GRID2: variants seen among roughly 807,000 people sequenced by gnomAD.
GRID2 encodes the protein glutamate receptor ionotropic, delta-2.
A neutral mutation model predicts 114.8 loss-of-function variants in GRID2; 33 were observed. The ratio of observed to expected loss-of-function variants is 0.29; its 90% CI spans 0.22 to 0.38. The LOEUF is 0.38. GRID2 is among the 10% of genes least tolerant of loss of function. The pLI, the probability that GRID2 is intolerant of heterozygous loss-of-function variation, is 1.00. For synonymous variants in GRID2, 505 were observed against 449.9 expected, an observed-to-expected ratio of 1.12 and a Z score of -1.55; for missense variants, 1,184 against 1,257.7, an observed-to-expected ratio of 0.94 and a Z score of 0.89.
At chr4:93,755,176 C>T (rs1056289788) in intron 14 of GRID2, among the ~76,000 whole-genome samples, 2 of 152,108 alleles carry the variant, frequency 1.3e-5, no homozygotes, top group African/African-American at 4.8e-5. Context: ...TAGGCTATTC[C>T]TTTTATATCT....
chr4:92,578,867 A>G (rs1456017944), intron 1 of GRID2, among the ~76,000 whole-genome samples: 1 of 152,108 alleles, frequency 6.6e-6, no homozygotes, highest in Non-Finnish European at 1.5e-5. Context: ...TTAGATCACA[A>G]TTTTCAAAAC....
intron 2 of GRID2, among the ~76,000 whole-genome samples, chr4:92,950,229 G>A (rs1185978588): frequency 6.6e-6 from 1 of 152,002 alleles, no homozygotes; most frequent in East Asian, 1.9e-4. Flanking sequence ...AACACCAGGT[G>A]GTCTAATTTT....
intron 2 of GRID2, among the ~76,000 whole-genome samples, chr4:92,690,658 A>G (rs1308137130): frequency 6.6e-6 from 1 of 152,210 alleles, no homozygotes; most frequent in Non-Finnish European, 1.5e-5. Context: ...GTGCAATCAA[A>G]CAAATTATAC....
At chr4:93,192,520 T>C (rs543549186) in intron 4 of GRID2, among the ~76,000 whole-genome samples, 1 of 152,144 alleles carries the variant, frequency 6.6e-6, no homozygotes, top group East Asian at 1.9e-4. Flanking sequence ...GGTGGGCAGA[T>C]TACCTAAGGT....
chr4:92,322,741 G>A (rs545363154), intron 1 of GRID2, among the ~76,000 whole-genome samples: 1 of 151,994 alleles, frequency 6.6e-6, no homozygotes, highest in African/African-American at 2.4e-5. Context: ...CAATAATTCT[G>A]TCTTAGCAGC....
At chr4:92,683,027 C>T (rs757421490) in intron 2 of GRID2, among the ~76,000 whole-genome samples, 15 of 152,012 alleles carry the variant, frequency 9.9e-5, no homozygotes, top group South Asian at 2.1e-4. Flanking sequence ...AGGCTAGGTG[C>T]GGTGGCTCAC....
At chr4:92,712,561 A>G (rs1735308609) in intron 2 of GRID2, among the ~76,000 whole-genome samples, 1 of 152,170 alleles carries the variant, frequency 6.6e-6, no homozygotes, top group African/African-American at 2.4e-5. Context: ...TATATAGTAT[A>G]TAGAATATTA....
intron 14 of GRID2, among the ~76,000 whole-genome samples, chr4:93,683,821 T>C (rs1238481760): frequency 1.3e-5 from 2 of 151,980 alleles, no homozygotes; most frequent in African/African-American, 4.8e-5. Flanking sequence ...CATAGGATTG[T>C]CCCATATTAT....
At chr4:92,793,557 A>C (rs1739696729) in intron 2 of GRID2, among the ~76,000 whole-genome samples, 1 of 151,898 alleles carries the variant, frequency 6.6e-6, no homozygotes. Context: ...AAAATTAAAA[A>C]AAAAAAGAAA....
chr4:92,767,741 T>G (rs866795780), intron 2 of GRID2, among the ~76,000 whole-genome samples: 2 of 151,752 alleles, frequency 1.3e-5, no homozygotes, highest in Non-Finnish European at 2.9e-5. Flanking sequence ...ACAGAGACTA[T>G]GTATAAAAAA....
chr4:92,568,219 A>G (rs1401733941), intron 1 of GRID2, among the ~76,000 whole-genome samples: 1 of 151,992 alleles, frequency 6.6e-6, no homozygotes, highest in Non-Finnish European at 1.5e-5. Context: ...CAACAAAAAG[A>G]CTTGGGTAAC....
intron 1 of GRID2, among the ~76,000 whole-genome samples, chr4:92,372,679 A>G (rs902457684): frequency 6.6e-6 from 1 of 152,104 alleles, no homozygotes; most frequent in African/African-American, 2.4e-5. Flanking sequence ...CAAACCTGCA[A>G]TTCCTCCAGT....
intron 14 of GRID2, among the ~76,000 whole-genome samples, chr4:93,673,710 G>A (rs1009281811): frequency 2.6e-5 from 4 of 152,066 alleles, no homozygotes; most frequent in Non-Finnish European, 5.9e-5. Flanking sequence ...ATTGACTTTC[G>A]ATTGAAAATA....
rs79537333 is a variant in GRID2, at chr4:93,627,857, C to T, written c.2360+1422C>T. 3.0e-3 allele frequency among the ~76,000 whole-genome samples: 464 copies of T among 152,202 alleles called. 2 individuals carry two copies. Among genetic ancestry groups the T allele is most frequent in the African/African-American group, 0.01 (428 of 41,514 alleles). On this transcript the variant is annotated intron_variant, in intron 14 of 15. Transcript: ENST00000282020. ...CAATAGAGTGGGTAAATGTACCCCA[C>T]ATATAGGGAAGGAAGGAGTAAAGGA...
intron 13 of GRID2, among the ~76,000 whole-genome samples, chr4:93,624,405 C>A (rs1350198438): frequency 1.3e-5 from 2 of 152,034 alleles, no homozygotes. Flanking sequence ...GCATAATTTT[C>A]TTTACTTTAA....
At position 93,322,866 on chromosome 4, in the gene GRID2, A is replaced by G. The variant is rs557871592; in HGVS notation, c.1246-72741A>G. On this transcript the variant is annotated intron_variant, in intron 8 of 15. Transcript: ENST00000282020. ...CTTCTTTTGAGAAGTGTCTGTTCAT[A>G]TCTTTTGCCCACTTTTTAATGGGGT... Among the ~76,000 whole-genome samples the G allele has an allele frequency of 3.9e-5, 6 of 152,128 alleles. No individual in the cohort carries two copies. In the East Asian group the frequency reaches 7.7e-4, roughly 20 times the overall value.
chr4:93,065,068 C>T (rs948142511), intron 2 of GRID2, among the ~76,000 whole-genome samples: 20 of 151,340 alleles, frequency 1.3e-4, no homozygotes, highest in South Asian at 4.2e-4. Flanking sequence ...AAAGTAAAAA[C>T]GGGGGAAATA....
intron 1 of GRID2, among the ~76,000 whole-genome samples, chr4:92,467,862 C>T (rs374743553): frequency 9.9e-5 from 15 of 151,962 alleles, no homozygotes; most frequent in African/African-American, 3.6e-4. Context: ...AAAAACTTAT[C>T]TGAACAAATG....
chr4:92,756,973 GT>G (rs1737748439), intron 2 of GRID2, among the ~76,000 whole-genome samples: 1 of 151,952 alleles, frequency 6.6e-6, no homozygotes. Context: ...CCATTTGTCT[GT>G]CTTCGTTTTG....
Sources: allele counts gnomAD v4.1 joint callset (sites outside exome capture counted in the v4.1 genomes callset), GRCh38; gene constraint gnomAD v4.1.1; transcripts MANE v1.5; gene names NCBI Gene and HGNC (gene_info 2026-07-23, HGNC 2026-07-21).